PCSK2: variants seen among roughly 807,000 people sequenced by gnomAD.
PCSK2 encodes neuroendocrine convertase 2.
In PCSK2, 14 loss-of-function variants were observed where a neutral mutation model predicts 69.7. That is an observed-to-expected ratio of 0.20 (90% confidence interval 0.13 to 0.31). The LOEUF is 0.31. Ranked by LOEUF, PCSK2 falls within the 10% of genes least tolerant of loss-of-function variation. The probability of loss-of-function intolerance (pLI) is 1.00; values close to 1 mark genes in which losing one functional copy is unlikely to be tolerated. For missense variants in PCSK2, 544 were observed against 842.5 expected (o/e 0.65, Z 4.39); for synonymous variants, 307 against 320.7 (o/e 0.96, Z 0.46).
intron 2 of PCSK2, among the ~76,000 whole-genome samples, chr20:17,285,524 T>G (rs1216801942): frequency 6.6e-6 from 1 of 152,206 alleles, no homozygotes; most frequent in Non-Finnish European, 1.5e-5. Flanking sequence ...TGAAGTCTAG[T>G]GCAAAAGTTT....
At chr20:17,385,898 G>T (rs748366719) in intron 5 of PCSK2, among the ~76,000 whole-genome samples, 22 of 152,148 alleles carry the variant, frequency 1.4e-4, no homozygotes, top group Non-Finnish European at 2.4e-4. Flanking sequence ...ATCCATCATT[G>T]GTTGATGATT....
chr20:17,473,633 G>T (rs1019057779), intron 11 of PCSK2, among the ~76,000 whole-genome samples: 1 of 151,938 alleles, frequency 6.6e-6, no homozygotes, highest in African/African-American at 2.4e-5. Context: ...GCAATACATG[G>T]TCACTGTAAG....
intron 2 of PCSK2, among the ~76,000 whole-genome samples, chr20:17,291,859 T>A (rs1988706785): frequency 6.6e-6 from 1 of 152,160 alleles, no homozygotes; most frequent in Non-Finnish European, 1.5e-5. Flanking sequence ...TTTGGCTCTG[T>A]CATTCTGAAC....
intron 11 of PCSK2, chr20:17,479,186 A>G: frequency 7.2e-7 from 1 of 1,384,880 alleles, no homozygotes. Flanking sequence ...CAAAAACAGG[A>G]GCTGCTGTGC....
At chr20:17,316,242 C>G (rs558256382) in intron 2 of PCSK2, among the ~76,000 whole-genome samples, 4 of 152,220 alleles carry the variant, frequency 2.6e-5, no homozygotes, top group Non-Finnish European at 5.9e-5. Flanking sequence ...TCGCACGTTT[C>G]TTTTCTCGTT....
At chr20:17,352,150 A>G (rs6080652) in intron 2 of PCSK2, among the ~76,000 whole-genome samples, 1 of 152,194 alleles carries the variant, frequency 6.6e-6, no homozygotes, top group Non-Finnish European at 1.5e-5. Context: ...CGAAAGAGGT[A>G]AAAGATCTCT....
intron 2 of PCSK2, among the ~76,000 whole-genome samples, chr20:17,338,118 C>T (rs1404774554): frequency 6.9e-6 from 1 of 145,678 alleles, no homozygotes; most frequent in East Asian, 2.0e-4. Context: ...TCCACACCTG[C>T]ATTCCCTCCA....
intron 2 of PCSK2, among the ~76,000 whole-genome samples, chr20:17,306,208 C>A (rs1989321543): frequency 1.3e-5 from 2 of 152,096 alleles, no homozygotes; most frequent in African/African-American, 4.8e-5. Flanking sequence ...GTTCCTCAGT[C>A]GTTTCTTGGT....
At position 17,446,999 on chromosome 20, in the gene PCSK2, T is replaced by C. The variant is rs909122785; in HGVS notation, c.886-6743T>C. ...CAGGCGAGGTGGCTCACACCTGTAA[T>C]CCCAGCATTTTGGGAGGCTGTTGTG... On this transcript the variant is annotated intron_variant, in intron 8 of 11. Coordinates refer to ENST00000262545, the MANE Select transcript of PCSK2 (RefSeq NM_002594.5). Among the ~76,000 whole-genome samples the C allele has an allele frequency of 6.6e-5, 10 of 152,084 alleles. 1 individual carries two copies. The highest frequency in any genetic ancestry group is 1.3e-4 in the Non-Finnish European group (9 of 68,018).
intron 1 of PCSK2, among the ~76,000 whole-genome samples, chr20:17,257,373 C>T (rs923300356): frequency 2.0e-5 from 3 of 152,180 alleles, no homozygotes; most frequent in Admixed American, 6.5e-5. Flanking sequence ...GGCAATTCCT[C>T]AAGGATCTAG....
intron 1 of PCSK2, among the ~76,000 whole-genome samples, chr20:17,244,582 A>T (rs1986703676): frequency 6.6e-6 from 1 of 152,216 alleles, no homozygotes. Flanking sequence ...AAATTCTAGG[A>T]GTGGAGCTAG....
At chr20:17,301,931 A>AAT (rs917414391) in intron 2 of PCSK2, among the ~76,000 whole-genome samples, 26 of 151,144 alleles carry the variant, frequency 1.7e-4, no homozygotes, top group East Asian at 1.6e-3. Context: ...CTCCATCTCA[A>AAT]ATATATATAT....
chr20:17,333,811 T>C (rs887524238), intron 2 of PCSK2, among the ~76,000 whole-genome samples: 1 of 150,874 alleles, frequency 6.6e-6, no homozygotes, highest in African/African-American at 2.4e-5. Flanking sequence ...AAGGATTAAA[T>C]AAGTGTAAAG....
At chr20:17,468,042 G>T (rs1043245673) in intron 11 of PCSK2, among the ~76,000 whole-genome samples, 2 of 145,164 alleles carry the variant, frequency 1.4e-5, no homozygotes, top group African/African-American at 2.5e-5. Flanking sequence ...TGCCATAGAT[G>T]GGCTGCCTAC....
rs550822405 is a variant in PCSK2 at position 17,436,894 on chromosome 20, C to T, written c.885+11C>T. The T allele has an allele frequency of 9.0e-5, 143 of 1,593,936 alleles. 1 individual carries two copies. The South Asian group carries it at 1.0e-3, about 12-fold the overall frequency. On this transcript the variant is annotated intron_variant, in intron 8 of 11. Coordinates refer to ENST00000262545, the MANE Select transcript of PCSK2 (RefSeq NM_002594.5). ...GATGGCGTGAACAAGGTAAGGGGGC[C>T]GGCCCCCTAGGCCCCGGCCACTCAC...
At chr20:17,438,939 G>T (rs574342860) in intron 8 of PCSK2, among the ~76,000 whole-genome samples, 2 of 152,280 alleles carry the variant, frequency 1.3e-5, no homozygotes, top group East Asian at 3.9e-4. Flanking sequence ...TTGCTCGCAG[G>T]TTGCTCCTGA....
intron 5 of PCSK2, among the ~76,000 whole-genome samples, chr20:17,396,059 G>A (rs1171733659): frequency 6.6e-6 from 1 of 152,204 alleles, no homozygotes; most frequent in African/African-American, 2.4e-5. Context: ...GAGAAGCTTT[G>A]AGCATCTCTA....
intron 1 of PCSK2, among the ~76,000 whole-genome samples, chr20:17,234,153 G>A (rs1296940317): frequency 6.6e-6 from 1 of 152,142 alleles, no homozygotes; most frequent in Non-Finnish European, 1.5e-5. Context: ...TCTAAACCTC[G>A]AAGGCAAACC....
intron 2 of PCSK2, among the ~76,000 whole-genome samples, chr20:17,295,163 C>T (rs1251314571): frequency 1.3e-5 from 2 of 151,918 alleles, no homozygotes; most frequent in Non-Finnish European, 2.9e-5. Context: ...TTGTAATAAT[C>T]TTCCCTGCAT....
Sources: gnomAD v4.1 joint callset for allele counts (sites outside exome capture counted in the v4.1 genomes callset) on GRCh38, gnomAD v4.1.1 for gene constraint, MANE v1.5 for transcripts, NCBI Gene and HGNC (gene_info 2026-07-23, HGNC 2026-07-21) for gene names.